Variants in LY75 observed in about 807,000 individuals in gnomAD.
LY75 encodes C-type lectin domain family 13 member B.
In LY75, 185 loss-of-function variants were observed where a neutral mutation model predicts 231.7. The ratio of observed to expected loss-of-function variants is 0.80; its 90% CI spans 0.71 to 0.90. The LOEUF is 0.90. Ranked by LOEUF, LY75 falls within the 40% of genes least tolerant of loss-of-function variation. LY75 has a pLI of 0.00. For missense variants in LY75, 1,947 were observed against 2,050.2 expected (o/e 0.95, Z 0.97); for synonymous variants, 668 against 689.0 (o/e 0.97, Z 0.48).
chr2:159,817,440 G>A (rs1244564300), intron 29 of LY75, among the ~76,000 whole-genome samples: 1 of 152,164 alleles, frequency 6.6e-6, no homozygotes, highest in Non-Finnish European at 1.5e-5. Context: ...AAGGGAACCA[G>A]AAAGTAAGGA....
At chr2:159,898,650 C>T in intron 2 of LY75, 38 bp downstream of exon 2, 1 of 1,577,556 alleles carries the variant, frequency 6.3e-7, no homozygotes, top group Non-Finnish European at 8.6e-7. Context: ...GTGACAAGCA[C>T]AACAGCAAAT....
At chr2:159,872,712 A>G (rs1260516077) in intron 12 of LY75, 119 bp from the exon 13 acceptor site, 1 of 1,158,678 alleles carries the variant, frequency 8.6e-7, no homozygotes, top group African/African-American at 1.6e-5. Flanking sequence ...GGTGTAGTGA[A>G]GGCATAGGTA....
chr2:159,816,941 C>T lies in LY75; in HGVS notation c.4245G>A (p.Trp1415Ter), dbSNP rs767937134. Residue 1415 changes from tryptophan (W) to a stop codon, truncating the protein, a stop_gained, in exon 30 of 35, where the codon TGG becomes TGA. Coordinates refer to ENST00000263636, the MANE Select transcript of LY75 (RefSeq NM_002349.4). LOFTEE classifies it high-confidence loss of function. The part of the protein sequence containing the change: ...IYSVIQKKVT[W>*]YEALNMCSQS... ...GAGAACACATGTTTAATGCTTCATA[C>T]CATGTTACCTTTTTTTGAATAACAC... The T allele has an allele frequency of 1.8e-5, 29 of 1,614,046 alleles. No homozygotes were observed. The highest frequency in any genetic ancestry group is 2.4e-5 in the Non-Finnish European group (28 of 1,180,030).
intron 6 of LY75, among the ~76,000 whole-genome samples, chr2:159,882,987 AATGAAGT>A (rs1685480666): frequency 6.6e-6 from 1 of 152,116 alleles, no homozygotes; most frequent in Admixed American, 6.5e-5. Flanking sequence ...AGAAAAAAAG[AATGAAGT>A]ATGAAACCCC....
Position 159,860,951 on chromosome 2 carries a change from G to A in LY75, c.2200-62C>T, listed in dbSNP as rs1278521908. 1.9e-6 allele frequency: 3 copies of A among 1,596,446 alleles called. No homozygotes were observed. The African/African-American group carries it at 4.0e-5, about 21-fold the overall frequency. ...ATGTATAAATATTTGCAATTTAGAT[G>A]TAATTTAGGCAGCCTTAATCACTCA... On this transcript the variant is annotated intron_variant, in intron 14 of 34. Coordinates refer to ENST00000263636, the MANE Select transcript of LY75 (RefSeq NM_002349.4).
chr2:159,879,684 T>A (rs1477383253), intron 8 of LY75, among the ~76,000 whole-genome samples: 2 of 152,146 alleles, frequency 1.3e-5, no homozygotes, highest in African/African-American at 4.8e-5. Flanking sequence ...AGTTCCAGCA[T>A]TCTAGTCTTC....
chr2:159,872,083 A>G (rs1011880948), intron 13 of LY75: 1 of 165,202 alleles, frequency 6.1e-6, no homozygotes, highest in African/African-American at 2.4e-5. Context: ...TTTTGAAATA[A>G]TACCTACCTT....
At chr2:159,805,276 T>C (rs1682759194) in intron 34 of LY75, 54 bp from the exon 35 acceptor site, 15 of 1,375,198 alleles carry the variant, frequency 1.1e-5, no homozygotes, top group Admixed American at 1.7e-5. Context: ...GTGATCATTA[T>C]TGATTTTATA....
At chr2:159,873,749 GTAAAAATATACATAAA>G (rs1685090411) in intron 12 of LY75, among the ~76,000 whole-genome samples, 2 of 90,824 alleles carry the variant, frequency 2.2e-5, no homozygotes, top group Non-Finnish European at 4.9e-5. Flanking sequence ...TATACATTTT[GTAAAAATATACATAAA>G]TATATACATT....
At chr2:159,873,319 C>T (rs188256061) in intron 12 of LY75, among the ~76,000 whole-genome samples, 1 of 152,194 alleles carries the variant, frequency 6.6e-6, no homozygotes, top group African/African-American at 2.4e-5. Flanking sequence ...GTCTTTGTAC[C>T]TTGGCATGGG....
chr2:159,872,811 T>C (rs1413730995), intron 12 of LY75, among the ~76,000 whole-genome samples: 3 of 152,182 alleles, frequency 2.0e-5, no homozygotes, highest in African/African-American at 7.2e-5. Context: ...TGTGGTCAGA[T>C]GGATGGCCTT....
chr2:159,822,543 T>A (rs1210006838), intron 28 of LY75, among the ~76,000 whole-genome samples: 1 of 152,158 alleles, frequency 6.6e-6, no homozygotes, highest in African/African-American at 2.4e-5. Flanking sequence ...GTCAGGGACT[T>A]ATAGCAGAGT....
intron 15 of LY75, among the ~76,000 whole-genome samples, chr2:159,859,577 G>A (rs1024364106): frequency 6.6e-6 from 1 of 152,086 alleles, no homozygotes; most frequent in South Asian, 2.1e-4. Flanking sequence ...CAAAATATCT[G>A]AACTAAAACA....
Position 159,864,926 on chromosome 2 carries a change from T to C in LY75, c.2118-6A>G. The C allele has an allele frequency of 6.3e-7, 1 of 1,594,754 alleles. No individual in the cohort carries two copies. Among genetic ancestry groups the C allele is most frequent in the Non-Finnish European group, 8.5e-7 (1 of 1,172,398 alleles). On this transcript the variant is annotated splice_polypyrimidine_tract_variant and splice_region_variant and intron_variant, in intron 13 of 34. Coordinates refer to ENST00000263636, the MANE Select transcript of LY75 (RefSeq NM_002349.4). ...TCCACAGCCAATGCTGGCCACTATG[T>C]AAAAAGCAAGTGTTAAAAATACAGG...
chr2:159,881,666 T>G (rs1459650221), intron 7 of LY75, among the ~76,000 whole-genome samples: 3 of 152,156 alleles, frequency 2.0e-5, no homozygotes, highest in Admixed American at 1.3e-4. Flanking sequence ...AGAGTTCTAT[T>G]CTAGGAAGAG....
chr2:159,865,549 AT>A (rs1219548393), intron 13 of LY75, among the ~76,000 whole-genome samples: 1 of 152,182 alleles, frequency 6.6e-6, no homozygotes, highest in African/African-American at 2.4e-5. Context: ...CTACCCTGAA[AT>A]GTAATATGAA....
rs1016590359 is a variant in LY75 at position 159,804,946 on chromosome 2, G to C, written c.*98C>G. 7 of 897,452 alleles carry C rather than the reference G, an allele frequency of 7.8e-6. No homozygotes were observed. Among genetic ancestry groups the C allele is most frequent in the African/African-American group, 3.4e-5 (2 of 59,410 alleles). 55.6% of individuals were successfully genotyped at this position (897,452 alleles called of 1,614,324 possible). ...TAAACAACTGAAAAAGTATTTAAGA[G>C]TTCTACTTTGGAGCAGAGTAAATAC... On this transcript the variant is annotated 3_prime_UTR_variant, in exon 35 of 35. Transcript: ENST00000263636.
chr2:159,877,028 A>AAGAAAG (rs1553810529), intron 11 of LY75, among the ~76,000 whole-genome samples: 2 of 117,096 alleles, frequency 1.7e-5, no homozygotes, highest in Non-Finnish European at 3.6e-5. Context: ...AAAAAAAAAA[A>AAGAAAG]AAAAAAGAAA....
intron 11 of LY75, among the ~76,000 whole-genome samples, chr2:159,877,009 CAAAAAAAAAA>C (rs58831835): frequency 2.5e-4 from 23 of 90,548 alleles, no homozygotes; most frequent in African/African-American, 5.2e-4. Context: ...AACTCCATCT[CAAAAAAAAAA>C]AAAAAAAAAA....
Sources: gnomAD v4.1 joint callset for allele counts (sites outside exome capture counted in the v4.1 genomes callset) on GRCh38, gnomAD v4.1.1 for gene constraint, MANE v1.5 for transcripts, NCBI Gene and HGNC (gene_info 2026-07-23, HGNC 2026-07-21) for gene names.